FOXP1: variants seen among roughly 807,000 people sequenced by gnomAD.
FOXP1 encodes the protein forkhead box P1.
Under a neutral mutation model 98.2 loss-of-function variants are expected in FOXP1, and 15 were observed. The observed-to-expected ratio is 0.15, with a 90% confidence interval of 0.10 to 0.24. The LOEUF is 0.24. Ranked by LOEUF, FOXP1 falls within the 10% of genes least tolerant of loss-of-function variation. FOXP1 has a pLI of 1.00. For synonymous variants in FOXP1, 371 were observed against 314.5 expected, an observed-to-expected ratio of 1.18 and a Z score of -1.90; for missense variants, 633 against 848.5, an observed-to-expected ratio of 0.75 and a Z score of 3.15.
chr3:71,427,717 G>C (rs2084291987), intron 3 of FOXP1, among the ~76,000 whole-genome samples: 1 of 152,188 alleles, frequency 6.6e-6, no homozygotes, highest in Non-Finnish European at 1.5e-5. Context: ...ACAGGATTCA[G>C]GAACTAAGGG....
At chr3:71,268,177 G>A (rs1427565776) in intron 5 of FOXP1, among the ~76,000 whole-genome samples, 2 of 136,420 alleles carry the variant, frequency 1.5e-5, no homozygotes, top group African/African-American at 2.8e-5. Context: ...TGCAAACTCC[G>A]CCTCCCGGGT....
chr3:71,534,873 C>T (rs2044159957), intron 2 of FOXP1, among the ~76,000 whole-genome samples: 1 of 152,138 alleles, frequency 6.6e-6, no homozygotes. Context: ...TGAGCATTTC[C>T]TGAATGTAAC....
At chr3:70,977,480 TAATC>T (rs931995619) in intron 16 of FOXP1, among the ~76,000 whole-genome samples, 159 bp downstream of exon 16, 3 of 152,250 alleles carry the variant, frequency 2.0e-5, no homozygotes, top group African/African-American at 7.2e-5. Flanking sequence ...TTGTAATACT[TAATC>T]AAAAGCAATT....
intron 2 of FOXP1, among the ~76,000 whole-genome samples, chr3:71,580,397 A>AG (rs200259599): frequency 1.0e-5 from 1 of 99,022 alleles, no homozygotes; most frequent in African/African-American, 3.6e-5. Flanking sequence ...AGAAAGACAG[A>AG]GGGGGGAAAA....
chr3:71,578,606 G>C (rs893155618), intron 2 of FOXP1, among the ~76,000 whole-genome samples: 2 of 152,214 alleles, frequency 1.3e-5, no homozygotes, highest in African/African-American at 4.8e-5. Context: ...TGGCTGCAAA[G>C]AGGAAGCTGG....
chr3:71,242,048 C>A lies in FOXP1; in HGVS notation c.-11-43656G>T, dbSNP rs552560239. Among the ~76,000 whole-genome samples the A allele has an allele frequency of 1.2e-4, 19 of 152,268 alleles. 1 individual carries two copies. In the East Asian group the frequency reaches 1.9e-3, roughly 15 times the overall value. ...CAGGTAATAAAACATTCTATCAAAA[C>A]AAGGCTTCGCTTATATTTAGACACC... On this transcript the variant is annotated intron_variant, in intron 5 of 20. Transcript: ENST00000649528.
At chr3:71,187,927 G>C (rs1034678375) in intron 6 of FOXP1, among the ~76,000 whole-genome samples, 2 of 152,168 alleles carry the variant, frequency 1.3e-5, no homozygotes, top group African/African-American at 2.4e-5. Context: ...CCTTGTAAAA[G>C]GTTGTTGAGT....
intron 3 of FOXP1, among the ~76,000 whole-genome samples, chr3:71,445,715 T>C (rs2108476394): frequency 6.6e-6 from 1 of 150,400 alleles, no homozygotes; most frequent in East Asian, 1.9e-4. Context: ...GAGATGGAGT[T>C]TCACTCTTGT....
At chr3:71,198,432 G>GGGGGCCCCCCCCCCCCCCC in intron 5 of FOXP1, 40 bp from the exon 6 acceptor site, 1 of 491,034 alleles carries the variant, frequency 2.0e-6, no homozygotes, top group Non-Finnish European at 4.0e-6. Context: ...GGGAGGGGGG[G>GGGGGCCCCCCCCCCCCCCC]AGAAAAAAAA....
intron 2 of FOXP1, among the ~76,000 whole-genome samples, chr3:71,532,521 T>A (rs1406342541): frequency 1.3e-5 from 2 of 152,146 alleles, no homozygotes; most frequent in Non-Finnish European, 2.9e-5. Context: ...GCAAGACAGG[T>A]CCTAGTGGAA....
chr3:71,481,597 G>A (rs2090281055), intron 3 of FOXP1, among the ~76,000 whole-genome samples: 1 of 152,128 alleles, frequency 6.6e-6, no homozygotes, highest in South Asian at 2.1e-4. Context: ...ATCTTAGTCA[G>A]TCGTCTTTTC....
intron 3 of FOXP1, among the ~76,000 whole-genome samples, chr3:71,396,257 G>A (rs2081363201): frequency 6.6e-6 from 1 of 152,152 alleles, no homozygotes; most frequent in Middle Eastern, 3.2e-3. Flanking sequence ...AGAGCAGGAA[G>A]CTCAGTAAGT....
chr3:71,521,525 T>TA (rs2042986512), intron 2 of FOXP1, among the ~76,000 whole-genome samples: 1 of 100,338 alleles, frequency 1.0e-5, no homozygotes, highest in East Asian at 3.2e-4. Context: ...AGACCCTGTC[T>TA]CAAAAAAAAA....
intron 16 of FOXP1, 73 bp downstream of exon 16, chr3:70,977,570 C>CTACTTCATCAATA (rs1438343735): frequency 4.6e-5 from 61 of 1,313,902 alleles, no homozygotes; most frequent in Non-Finnish European, 6.5e-5. Context: ...GTTTTTAAAT[C>CTACTTCATCAATA]TACTTCATCA....
At chr3:71,429,776 C>G (rs952710607) in intron 3 of FOXP1, among the ~76,000 whole-genome samples, 8 of 152,182 alleles carry the variant, frequency 5.3e-5, no homozygotes, top group Non-Finnish European at 1.5e-5. Flanking sequence ...CATTGAAAGA[C>G]AGCTAAATCA....
At chr3:71,559,046 C>T (rs930561721) in intron 2 of FOXP1, among the ~76,000 whole-genome samples, 4 of 152,130 alleles carry the variant, frequency 2.6e-5, no homozygotes, top group East Asian at 1.9e-4. Context: ...CCTTGTGATC[C>T]GCCCGCCTTG....
chr3:71,502,139 C>T (rs2107199993), intron 2 of FOXP1, among the ~76,000 whole-genome samples: 1 of 152,304 alleles, frequency 6.6e-6, no homozygotes, highest in African/African-American at 2.4e-5. Flanking sequence ...TTCACAAATA[C>T]CTTCCACTCA....
chr3:71,545,174 T>A, intron 2 of FOXP1, among the ~76,000 whole-genome samples: 1 of 152,252 alleles, frequency 6.6e-6, no homozygotes, highest in Non-Finnish European at 1.5e-5. Context: ...ATCAGCATGC[T>A]GTCATGGAAA....
intron 3 of FOXP1, among the ~76,000 whole-genome samples, chr3:71,442,460 G>A (rs144535990): frequency 0.011 from 1,659 of 151,954 alleles, 30 homozygotes; most frequent in African/African-American, 0.038. Flanking sequence ...GATTTCCTCT[G>A]AATCTTGAGA....
Sources: gnomAD v4.1 joint callset for allele counts (sites outside exome capture counted in the v4.1 genomes callset) on GRCh38, gnomAD v4.1.1 for gene constraint, MANE v1.5 for transcripts, NCBI Gene and HGNC (gene_info 2026-07-23, HGNC 2026-07-21) for gene names.